Variants in UBE3A observed in about 807,000 individuals in gnomAD.
UBE3A encodes ubiquitin-protein ligase E3A.
UBE3A carries 6 observed loss-of-function variants against 83.4 expected under a neutral mutation model. The ratio of observed to expected loss-of-function variants is 0.07; its 90% CI spans 0.04 to 0.14. The LOEUF (loss-of-function observed/expected upper bound fraction) is 0.14. UBE3A is among the 10% of genes least tolerant of loss of function. The pLI, the probability that UBE3A is intolerant of heterozygous loss-of-function variation, is 1.00. For synonymous variants in UBE3A, 337 were observed against 355.4 expected (o/e 0.95, Z 0.58); for missense variants, 456 against 1,036.1 (o/e 0.44, Z 7.69).
chr15:25,342,788 C>T (rs911772904), intron 11 of UBE3A, among the ~76,000 whole-genome samples: 2 of 152,056 alleles, frequency 1.3e-5, no homozygotes, highest in Non-Finnish European at 2.9e-5. Context: ...TTAGGGATCA[C>T]CCAAGGCCAG....
rs1370939972 is a variant in UBE3A at position 25,338,499 on chromosome 15, T to C, written c.*638A>G. On this transcript the variant is annotated 3_prime_UTR_variant, in exon 13 of 13. Coordinates refer to ENST00000648336, the MANE Select transcript of UBE3A (RefSeq NM_130839.5). The stretch of plus-strand genomic sequence containing the variant: ...AGGGCTGCAGTTAAAACATTCCAAT[T>C]TCTCCCTTCCTTCCATCTTTCTTTA... 1.3e-5 allele frequency: 2 copies of C among 152,036 alleles called. No homozygotes were observed. The highest frequency in any genetic ancestry group is 4.8e-5 in the African/African-American group (2 of 41,384). 9.4% of individuals were successfully genotyped at this position (152,036 alleles called of 1,614,324 possible).
intron 4 of UBE3A, among the ~76,000 whole-genome samples, chr15:25,391,136 C>T (rs2084267651): frequency 6.6e-6 from 1 of 152,030 alleles, no homozygotes; most frequent in African/African-American, 2.4e-5. Flanking sequence ...ATGTGGTATA[C>T]ATATATAACA....
At chr15:25,401,312 T>C (rs1480442509) in intron 4 of UBE3A, among the ~76,000 whole-genome samples, 1 of 152,192 alleles carries the variant, frequency 6.6e-6, no homozygotes, top group Admixed American at 6.5e-5. Context: ...GTAATGCTCA[T>C]CTCCCAAAAT....
chr15:25,416,091 C>T (rs981819856), intron 1 of UBE3A, among the ~76,000 whole-genome samples: 4 of 152,174 alleles, frequency 2.6e-5, no homozygotes, highest in Non-Finnish European at 5.9e-5. Flanking sequence ...TAATTAAAAT[C>T]GGCATGCCTT....
chr15:25,394,940 G>T (rs944330294), intron 4 of UBE3A, among the ~76,000 whole-genome samples: 2 of 152,138 alleles, frequency 1.3e-5, no homozygotes, highest in African/African-American at 4.8e-5. Flanking sequence ...CAATATGCAA[G>T]AAGTCAAATG....
intron 1 of UBE3A, among the ~76,000 whole-genome samples, chr15:25,429,753 C>T (rs1355058463): frequency 6.6e-6 from 1 of 151,572 alleles, no homozygotes; most frequent in Non-Finnish European, 1.5e-5. Context: ...GCCTGTAATC[C>T]CAGTGCTTTC....
chr15:25,351,869 T>C (rs2076560745), intron 11 of UBE3A, among the ~76,000 whole-genome samples: 1 of 152,214 alleles, frequency 6.6e-6, no homozygotes, highest in Non-Finnish European at 1.5e-5. Context: ...TTTTGATTGG[T>C]AATTTTTGTT....
chr15:25,347,545 C>T (rs1207587529), intron 11 of UBE3A, among the ~76,000 whole-genome samples: 1 of 151,920 alleles, frequency 6.6e-6, no homozygotes, highest in African/African-American at 2.4e-5. Context: ...AATAAAAATA[C>T]AAAAATTAGC....
At chr15:25,400,395 A>G (rs2086798051) in intron 4 of UBE3A, among the ~76,000 whole-genome samples, 1 of 152,210 alleles carries the variant, frequency 6.6e-6, no homozygotes, top group African/African-American at 2.4e-5. Flanking sequence ...TTAGTACCTA[A>G]TACAACGTAA....
chr15:25,386,527 A>C (rs1188426172), intron 4 of UBE3A, among the ~76,000 whole-genome samples: 2 of 152,210 alleles, frequency 1.3e-5, no homozygotes, highest in Non-Finnish European at 2.9e-5. Flanking sequence ...AACACAAACA[A>C]AAACAAAAAA....
chr15:25,397,798 A>C (rs1023585208), intron 4 of UBE3A, among the ~76,000 whole-genome samples: 24 of 152,120 alleles, frequency 1.6e-4, no homozygotes, highest in Non-Finnish European at 3.2e-4. Flanking sequence ...CTTTGCCCCC[A>C]GTTACATCAT....
intron 1 of UBE3A, among the ~76,000 whole-genome samples, chr15:25,427,351 A>G (rs1163351731): frequency 2.0e-5 from 3 of 151,982 alleles, no homozygotes; most frequent in African/African-American, 4.8e-5. Context: ...GTTGAGCCCT[A>G]TAAGATAGAA....
chr15:25,398,770 TTTATATATATA>T (rs2086216717), intron 4 of UBE3A, among the ~76,000 whole-genome samples: 4 of 83,624 alleles, frequency 4.8e-5, no homozygotes, highest in African/African-American at 1.9e-4. Flanking sequence ...TATTCTTTTA[TTTATATATATA>T]TATATATATA....
chr15:25,412,951 AT>A, intron 1 of UBE3A: 2 of 417,674 alleles, frequency 4.8e-6, no homozygotes, highest in Non-Finnish European at 9.4e-6. Context: ...TTTTTTTTTA[AT>A]TTTTTTCAGA....
chr15:25,382,308 G>T (rs1197674217), intron 4 of UBE3A, among the ~76,000 whole-genome samples: 1 of 150,244 alleles, frequency 6.7e-6, no homozygotes, highest in Non-Finnish European at 1.5e-5. Context: ...GCAAAAGAGC[G>T]AGACTCTGTC....
chr15:25,359,027 T>C (rs942881516), intron 7 of UBE3A, among the ~76,000 whole-genome samples: 8 of 152,198 alleles, frequency 5.3e-5, no homozygotes. Flanking sequence ...TATAAGTTAA[T>C]CAGAATATAA....
chr15:25,338,971 G>A lies in UBE3A; in HGVS notation c.*166C>T, dbSNP rs528699460. The A allele has an allele frequency of 3.5e-6, 2 of 576,708 alleles. No individual in the cohort carries two copies. The highest frequency in any genetic ancestry group is 5.4e-6 in the Non-Finnish European group (2 of 373,284). 35.7% of individuals were successfully genotyped at this position (576,708 alleles called of 1,614,324 possible). On this transcript the variant is annotated 3_prime_UTR_variant, in exon 13 of 13. Coordinates refer to ENST00000648336, the MANE Select transcript of UBE3A (RefSeq NM_130839.5). ...CAGCCCACATGTCCCCAATAAAGAAGGGAGGCACAGACATAGGTGACTACT... is the reference window on the plus strand; with the variant it reads ...CAGCCCACATGTCCCCAATAAAGAAAGGAGGCACAGACATAGGTGACTACT...
At chr15:25,426,601 C>T (rs547727665) in intron 1 of UBE3A, among the ~76,000 whole-genome samples, 1 of 152,158 alleles carries the variant, frequency 6.6e-6, no homozygotes, top group Non-Finnish European at 1.5e-5. Context: ...AGCACTTAAA[C>T]GCATAAAACA....
intron 4 of UBE3A, among the ~76,000 whole-genome samples, chr15:25,396,860 T>C (rs1421200656): frequency 6.6e-6 from 1 of 151,876 alleles, no homozygotes; most frequent in Non-Finnish European, 1.5e-5. Flanking sequence ...CAAACAGGAG[T>C]GTTAACTGTA....
Sources: allele counts gnomAD v4.1 joint callset (sites outside exome capture counted in the v4.1 genomes callset), GRCh38; gene constraint gnomAD v4.1.1; transcripts MANE v1.5; gene names NCBI Gene and HGNC (gene_info 2026-07-23, HGNC 2026-07-21).